The following LINC00237 variants were observed in gnomAD, a reference collection of about 807,000 sequenced individuals.
LINC00237 encodes the protein long intergenic non-protein coding RNA 237.
At chr20:21,087,980 T>C (rs936288212) in exon 3 of LINC00237, 1 of 152,176 alleles carries the variant, frequency 6.6e-6, no homozygotes, top group Non-Finnish European at 1.5e-5. Flanking sequence ...ATCCAAACTT[T>C]AAGGGGAGCA....
chr20:21,086,161 G>A (rs1340966698), intron 3 of LINC00237, among the ~76,000 whole-genome samples: 1 of 152,180 alleles, frequency 6.6e-6, no homozygotes, highest in Non-Finnish European at 1.5e-5. Context: ...CTCAGACAGA[G>A]ACCCATCTCT....
intron 1 of LINC00237, among the ~76,000 whole-genome samples, chr20:21,105,531 G>A (rs561805545): frequency 6.6e-4 from 101 of 152,300 alleles, no homozygotes; most frequent in African/African-American, 2.2e-3. Context: ...ACTGTGCCGC[G>A]GCGGCAGGGA....
At chr20:21,102,699 A>G (rs1173421516) in intron 1 of LINC00237, among the ~76,000 whole-genome samples, 1 of 147,924 alleles carries the variant, frequency 6.8e-6, no homozygotes, top group African/African-American at 2.6e-5. Flanking sequence ...TTTATAAGAA[A>G]AAAAAAAAAA....
intron 3 of LINC00237, chr20:21,087,663 A>G (rs944995999): frequency 3.9e-5 from 6 of 152,206 alleles, no homozygotes; most frequent in African/African-American, 1.4e-4. Flanking sequence ...TTTAGTTTGC[A>G]TTCCCCCAGT....
Position 21,094,914 on chromosome 20 carries a change from G to A in LINC00237, n.89-1062C>T, listed in dbSNP as rs142820141. 3.1e-3 allele frequency among the ~76,000 whole-genome samples: 472 copies of A among 152,276 alleles called. 3 individuals carry two copies. The highest frequency in any genetic ancestry group is 0.02 in the South Asian group (98 of 4,818). ...AAAATACAAAAAATTAGCTGGGCAT[G>A]GTGGTGCGTGCCTGTAATTCCAGTT... On this transcript the variant is annotated intron_variant and non_coding_transcript_variant, in intron 1 of 3. Coordinates refer to ENST00000691244, the Ensembl canonical transcript of LINC00237.
intron 1 of LINC00237, among the ~76,000 whole-genome samples, chr20:21,097,412 G>A (rs1186037826): frequency 6.6e-6 from 1 of 151,788 alleles, no homozygotes; most frequent in African/African-American, 2.4e-5. Flanking sequence ...CAAATGAATT[G>A]TTTATTGGAA....
At chr20:21,098,375 T>C (rs571971288) in intron 1 of LINC00237, among the ~76,000 whole-genome samples, 1 of 152,278 alleles carries the variant, frequency 6.6e-6, no homozygotes, top group South Asian at 2.1e-4. Flanking sequence ...GGAAAAAAAC[T>C]AATGAAATGC....
At chr20:21,097,514 C>A (rs1029631190) in intron 1 of LINC00237, among the ~76,000 whole-genome samples, 9 of 152,130 alleles carry the variant, frequency 5.9e-5, no homozygotes, top group African/African-American at 2.2e-4. Context: ...ATTTTAAAAT[C>A]GTTATTCTGC....
At chr20:21,086,386 C>T (rs1198607849) in intron 3 of LINC00237, among the ~76,000 whole-genome samples, 1 of 151,506 alleles carries the variant, frequency 6.6e-6, no homozygotes, top group African/African-American at 2.4e-5. Flanking sequence ...TTCCACTTCT[C>T]CAAGTCCCAG....
intron 1 of LINC00237, among the ~76,000 whole-genome samples, chr20:21,094,368 G>T (rs1229050506): frequency 6.6e-6 from 1 of 152,038 alleles, no homozygotes; most frequent in Non-Finnish European, 1.5e-5. Context: ...TGCATTTTCT[G>T]CCCTTGAAGA....
chr20:21,103,565 T>A (rs1031349030), intron 1 of LINC00237, among the ~76,000 whole-genome samples: 1 of 152,198 alleles, frequency 6.6e-6, no homozygotes, highest in Non-Finnish European at 1.5e-5. Flanking sequence ...TTTAGTGCAA[T>A]ATGAAATCAA....
intron 1 of LINC00237, among the ~76,000 whole-genome samples, chr20:21,094,567 T>C (rs2030831626): frequency 6.6e-6 from 1 of 152,102 alleles, no homozygotes; most frequent in Non-Finnish European, 1.5e-5. Flanking sequence ...TTTGAATAAG[T>C]GGAAAGAGGG....
At position 21,101,484 on chromosome 20, in the gene LINC00237, C is replaced by G. The variant is rs546119165; in HGVS notation, n.88+4787G>C. 1 of 134,330 alleles carries G rather than the reference C, an allele frequency of 7.4e-6. No homozygotes were observed. Among genetic ancestry groups the G allele is most frequent in the African/African-American group, 3.4e-5 (1 of 29,304 alleles). The allele number at this position is 134,330 out of a possible 1,614,324, so 8.3% of individuals were successfully genotyped here. ...TGGCCCGGAAAGAGAGTGACAGAGG[C>G]GCGTGCGGGGGAAAGGCCCACCCAC... On this transcript the variant is annotated intron_variant and non_coding_transcript_variant, in intron 1 of 3. Transcript: ENST00000691244. The surrounding 1 kb of genome is among the most constrained non-coding windows in gnomAD (Gnocchi z 4.3).
At chr20:21,091,069 G>A (rs2030786665) in intron 2 of LINC00237, among the ~76,000 whole-genome samples, 2 of 151,888 alleles carry the variant, frequency 1.3e-5, no homozygotes, top group Admixed American at 6.6e-5. Flanking sequence ...GCGTGTGTGT[G>A]TGTGTGTGTG....
At chr20:21,095,904 G>A (rs754646725) in intron 1 of LINC00237, among the ~76,000 whole-genome samples, 3 of 152,198 alleles carry the variant, frequency 2.0e-5, no homozygotes, top group Non-Finnish European at 4.4e-5. Context: ...GCCAGTGACT[G>A]ATGGAATTGG....
chr20:21,099,005 G>A (rs1028420880), intron 1 of LINC00237, among the ~76,000 whole-genome samples: 17 of 152,262 alleles, frequency 1.1e-4, no homozygotes, highest in Admixed American at 3.9e-4. Context: ...GAGACAAGAA[G>A]AGCAAGGGGT....
exon 4 of LINC00237, among the ~76,000 whole-genome samples, chr20:21,085,777 C>T (rs1305333380): frequency 6.6e-6 from 1 of 152,126 alleles, no homozygotes; most frequent in Non-Finnish European, 1.5e-5. Flanking sequence ...ATCAATTGTA[C>T]ACTTATTGTA....
chr20:21,094,040 G>A (rs1378008229), intron 1 of LINC00237, among the ~76,000 whole-genome samples: 1 of 152,212 alleles, frequency 6.6e-6, no homozygotes, highest in East Asian at 1.9e-4. Context: ...TGGTATTTGG[G>A]AAGGGGAAGC....
chr20:21,095,097 T>C (rs970802703), intron 1 of LINC00237, among the ~76,000 whole-genome samples: 4 of 152,132 alleles, frequency 2.6e-5, no homozygotes, highest in African/African-American at 9.7e-5. Context: ...CTTTTTCCCT[T>C]CCCCTTGAAT....
Sources: gnomAD v4.1 joint callset for allele counts (sites outside exome capture counted in the v4.1 genomes callset) on GRCh38, gnomAD v4.1.1 for gene constraint, Gnocchi (gnomAD v3.1) non-coding constraint, MANE v1.5 for transcripts, NCBI Gene and HGNC (gene_info 2026-07-23, HGNC 2026-07-21) for gene names.